INTS4: variants seen among roughly 807,000 people sequenced by gnomAD.
INTS4 encodes integrator complex subunit 4.
In INTS4, 70 loss-of-function variants were observed where a neutral mutation model predicts 119.5. The observed-to-expected ratio is 0.59, with a 90% CI of 0.48 to 0.71. INTS4 has a LOEUF of 0.71. Among genes scored for constraint, INTS4 ranks in the 30% least tolerant of loss-of-function variants. The probability of loss-of-function intolerance (pLI) is 0.00; values close to 1 mark genes in which losing one functional copy is unlikely to be tolerated. For synonymous variants in INTS4, 316 were observed against 419.6 expected (o/e 0.75, Z 3.02); for missense variants, 867 against 1,173.2 (o/e 0.74, Z 3.81).
chr11:77,933,661 AAG>A (rs1490841812), intron 10 of INTS4, among the ~76,000 whole-genome samples: 1 of 151,782 alleles, frequency 6.6e-6, no homozygotes, highest in Admixed American at 6.6e-5. Flanking sequence ...CTGGGAAGTG[AAG>A]AGCGTCTCTG....
intron 4 of INTS4, among the ~76,000 whole-genome samples, chr11:77,971,858 T>C (rs963681657): frequency 6.6e-6 from 1 of 152,166 alleles, no homozygotes; most frequent in Non-Finnish European, 1.5e-5. Flanking sequence ...CACTAAAATA[T>C]ACTACTATAT....
chr11:77,985,058 C>A (rs1856402147), intron 2 of INTS4, among the ~76,000 whole-genome samples: 1 of 152,160 alleles, frequency 6.6e-6, no homozygotes, highest in African/African-American at 2.4e-5. Flanking sequence ...TCCTTCACAC[C>A]TGAGCTAAAA....
At chr11:77,988,576 C>T (rs758402644) in intron 2 of INTS4, among the ~76,000 whole-genome samples, 3 of 151,988 alleles carry the variant, frequency 2.0e-5, no homozygotes, top group Non-Finnish European at 4.4e-5. Flanking sequence ...CTAGGAAGTG[C>T]GGGGTGGGGA....
At chr11:77,907,640 A>G (rs1952988935) in intron 16 of INTS4, 77 bp downstream of exon 16, 1 of 988,358 alleles carries the variant, frequency 1.0e-6, no homozygotes, top group African/African-American at 1.6e-5. Context: ...TTTATAACTT[A>G]TGGCCTCACA....
chr11:77,922,836 T>C (rs1279007476), intron 12 of INTS4: 1 of 298,122 alleles, frequency 3.4e-6, no homozygotes, highest in Non-Finnish European at 6.4e-6. Flanking sequence ...GGCAATCCCA[T>C]TCCCATTTTC....
chr11:77,896,250 A>C (rs905574764), intron 18 of INTS4, among the ~76,000 whole-genome samples: 4 of 152,240 alleles, frequency 2.6e-5, no homozygotes, highest in African/African-American at 7.2e-5. Context: ...AATAGTAGAG[A>C]AGCACACTTG....
chr11:77,955,783 C>T (rs1390066313), intron 8 of INTS4, among the ~76,000 whole-genome samples, 159 bp downstream of exon 8: 8 of 152,116 alleles, frequency 5.3e-5, no homozygotes, highest in Non-Finnish European at 1.0e-4. Flanking sequence ...TGTGAGTCAC[C>T]GCACCCAGCC....
intron 4 of INTS4, among the ~76,000 whole-genome samples, chr11:77,969,183 C>A (rs1188566079): frequency 1.3e-5 from 2 of 152,140 alleles, no homozygotes; most frequent in Non-Finnish European, 2.9e-5. Flanking sequence ...GATCTGCCTG[C>A]TTTGGCCTCC....
At chr11:77,976,570 T>C (rs572814771) in intron 4 of INTS4, among the ~76,000 whole-genome samples, 32 of 152,262 alleles carry the variant, frequency 2.1e-4, no homozygotes, top group Middle Eastern at 3.4e-3. Context: ...GCAATCCCAT[T>C]ACTGGGTATA....
intron 9 of INTS4, among the ~76,000 whole-genome samples, chr11:77,940,150 C>G (rs1268737099): frequency 6.6e-6 from 1 of 152,026 alleles, no homozygotes. Flanking sequence ...CATTTGGGGC[C>G]GGGCACAATG....
intron 18 of INTS4, among the ~76,000 whole-genome samples, chr11:77,900,315 G>A (rs1230009104): frequency 6.6e-6 from 1 of 152,114 alleles, no homozygotes; most frequent in African/African-American, 2.4e-5. Context: ...TAGCCAGGAT[G>A]CTCTTGATCT....
At chr11:77,889,676 C>T (rs1952178004) in intron 21 of INTS4, among the ~76,000 whole-genome samples, 1 of 152,150 alleles carries the variant, frequency 6.6e-6, no homozygotes, top group Non-Finnish European at 1.5e-5. Context: ...TGCTATATCT[C>T]TATTGAGCAC....
intron 2 of INTS4, 42 bp downstream of exon 2, chr11:77,991,066 C>T: frequency 2.6e-6 from 4 of 1,528,384 alleles, no homozygotes; most frequent in Non-Finnish European, 2.7e-6. Context: ...CATGATACAA[C>T]TCCCATGATA....
chr11:77,932,029 G>A (rs1161153509), intron 10 of INTS4, among the ~76,000 whole-genome samples: 1 of 152,126 alleles, frequency 6.6e-6, no homozygotes, highest in East Asian at 1.9e-4. Context: ...CATAGGCATG[G>A]GCAAAGACTT....
intron 2 of INTS4, chr11:77,987,846 T>G (rs114947602): frequency 6.7e-6 from 2 of 298,606 alleles, no homozygotes; most frequent in South Asian, 5.0e-5. Context: ...GCACTCTAGA[T>G]TGGGCAACAG....
chr11:77,891,699 A>C lies in INTS4; in HGVS notation c.2430T>G (p.His810Gln). The change falls in exon 20 of 23, where the codon CAT becomes CAG. Residue 810 changes from histidine to glutamine, a missense_variant. His to Gln is a conservative substitution (Grantham distance 24). Transcript: ENST00000534064. ...QTMLRQSAFL[H>Q]LPLPEQIHKA... ...CCCTGACCTGCTCTGGAAGCGGGAG[A>C]TGCAGAAAGGCACTCTGTCGCAGCA... 1 of 1,611,992 alleles carries C rather than the reference A, an allele frequency of 6.2e-7. No individual in the cohort carries two copies. Among genetic ancestry groups the C allele is most frequent in the Non-Finnish European group, 8.5e-7 (1 of 1,179,858 alleles).
At chr11:77,932,121 G>A (rs532617214) in intron 10 of INTS4, among the ~76,000 whole-genome samples, 27 of 152,164 alleles carry the variant, frequency 1.8e-4, no homozygotes, top group Non-Finnish European at 3.2e-4. Context: ...CTTCTGCACA[G>A]CAAAAGAAAC....
intron 7 of INTS4, among the ~76,000 whole-genome samples, chr11:77,956,586 A>C (rs1012175653): frequency 6.6e-6 from 1 of 152,042 alleles, no homozygotes; most frequent in Non-Finnish European, 1.5e-5. Context: ...ACATGTCTGC[A>C]ATTCCAGCTA....
rs534857682 is a variant in INTS4, at chr11:77,923,806, C to T, written c.1514+944G>A. On this transcript the variant is annotated intron_variant, in intron 12 of 22. Transcript: ENST00000534064. The stretch of plus-strand genomic sequence containing the variant: ...TTGAGACTGAGTCTTGCTCTGCTGC[C>T]CAGGCTGGCATGCAGTGGCACAATC... Among the ~76,000 whole-genome samples, 6 of 149,986 alleles carry T rather than the reference C, an allele frequency of 4.0e-5. No homozygotes were observed. The East Asian group carries it at 1.2e-3, about 30-fold the overall frequency.
Sources: gnomAD v4.1 joint callset for allele counts (sites outside exome capture counted in the v4.1 genomes callset) on GRCh38, gnomAD v4.1.1 for gene constraint, MANE v1.5 for transcripts, NCBI Gene and HGNC (gene_info 2026-07-23, HGNC 2026-07-21) for gene names.